The following SYNJ1 variants were observed in gnomAD, a reference collection of about 807,000 sequenced individuals.
The protein encoded by SYNJ1 is polyphosphatidylinositol phosphatase SYNJ1.
SYNJ1 carries 78 observed loss-of-function variants against 168.2 expected under a neutral mutation model. That is an observed-to-expected ratio of 0.46 (90% CI 0.39 to 0.56). The LOEUF (loss-of-function observed/expected upper bound fraction) is 0.56, where lower values mean the gene tolerates loss of function less well. SYNJ1 is among the 20% of genes least tolerant of loss of function. SYNJ1 has a pLI of 0.00. For missense variants in SYNJ1, 1,303 were observed against 1,597.6 expected (o/e 0.82, Z 3.14); for synonymous variants, 539 against 548.6 (o/e 0.98, Z 0.24).
chr21:32,691,018 A>C (rs1338669680), intron 6 of SYNJ1, among the ~76,000 whole-genome samples: 1 of 152,160 alleles, frequency 6.6e-6, no homozygotes, highest in Non-Finnish European at 1.5e-5. Context: ...CTTTACCTTC[A>C]CATATTTCTG....
At chr21:32,648,109 G>A (rs1372020105) in intron 23 of SYNJ1, among the ~76,000 whole-genome samples, 1 of 152,140 alleles carries the variant, frequency 6.6e-6, no homozygotes. Flanking sequence ...GCCCCACCCA[G>A]CCTAATTTTC....
chr21:32,678,370 C>T (rs1016750716), intron 12 of SYNJ1, among the ~76,000 whole-genome samples: 1 of 152,080 alleles, frequency 6.6e-6, no homozygotes, highest in African/African-American at 2.4e-5. Flanking sequence ...CTGCCTTGTA[C>T]AAAGTTAACA....
At chr21:32,664,315 G>A (rs1039571802) in intron 18 of SYNJ1, among the ~76,000 whole-genome samples, 1 of 152,182 alleles carries the variant, frequency 6.6e-6, no homozygotes, top group African/African-American at 2.4e-5. Flanking sequence ...TAAGGGAGGA[G>A]ACCACCCCTC....
chr21:32,719,408 T>C (rs2043136296), intron 2 of SYNJ1, among the ~76,000 whole-genome samples: 1 of 152,208 alleles, frequency 6.6e-6, no homozygotes, highest in South Asian at 2.1e-4. Context: ...GTGTACTCTG[T>C]TCCAAGGTTT....
chr21:32,650,359 A>G lies in SYNJ1; in HGVS notation c.2875-13T>C, dbSNP rs1555891997. On this transcript the variant is annotated splice_polypyrimidine_tract_variant and intron_variant, in intron 22 of 32. Coordinates refer to ENST00000674351, the MANE Select transcript of SYNJ1 (RefSeq NM_203446.3). ...TCCGATTCAATAACTAGCGGAGTAA[A>G]AGAGATATAAAATAAAGATTAACAT... 1 of 1,582,922 alleles carries G rather than the reference A, an allele frequency of 6.3e-7. No individual in the cohort carries two copies. The highest frequency in any genetic ancestry group is 1.2e-5 in the South Asian group (1 of 85,156).
Position 32,692,763 on chromosome 21 carries a change from T to C in SYNJ1, c.789+1465A>G, listed in dbSNP as rs139075128. On this transcript the variant is annotated intron_variant, in intron 6 of 32. Transcript: ENST00000674351. ...CACTGTAATTCAGAACTTATTAAAA[T>C]AACACAGGCCAAGTACAGTGGCTCA... is the stretch of plus-strand genomic sequence containing the variant. Among the ~76,000 whole-genome samples, 5 of 151,986 alleles carry C rather than the reference T, an allele frequency of 3.3e-5. No homozygotes were observed. The East Asian group carries it at 9.8e-4, about 30-fold the overall frequency.
intron 23 of SYNJ1, among the ~76,000 whole-genome samples, chr21:32,648,671 T>A (rs546597503): frequency 6.6e-6 from 1 of 152,232 alleles, no homozygotes; most frequent in Non-Finnish European, 1.5e-5. Flanking sequence ...TCTGTATTTC[T>A]CCATATTCGA....
chr21:32,695,431 G>A, intron 4 of SYNJ1, 149 bp from the exon 5 acceptor site: 1 of 758,396 alleles, frequency 1.3e-6, no homozygotes, highest in South Asian at 2.0e-5. Context: ...CTATGCTAGG[G>A]ATCAGAAGAT....
intron 32 of SYNJ1, among the ~76,000 whole-genome samples, chr21:32,633,204 C>G (rs898469720): frequency 2.0e-5 from 3 of 152,066 alleles, no homozygotes; most frequent in African/African-American, 7.2e-5. Flanking sequence ...AATGATGTGC[C>G]TAGAGTGGTG....
chr21:32,673,151 A>G (rs936948497), intron 14 of SYNJ1, among the ~76,000 whole-genome samples, 189 bp downstream of exon 14: 1 of 152,210 alleles, frequency 6.6e-6, no homozygotes, highest in Non-Finnish European at 1.5e-5. Flanking sequence ...GTAGAAAATA[A>G]TGGTCTAGAA....
chr21:32,681,730 C>T, intron 10 of SYNJ1, 82 bp from the exon 11 acceptor site: 1 of 1,357,220 alleles, frequency 7.4e-7, no homozygotes, highest in Non-Finnish European at 9.9e-7. Flanking sequence ...CAGAATCAAA[C>T]CAAAAATTTA....
chr21:32,708,148 A>G (rs2042683081), intron 2 of SYNJ1, among the ~76,000 whole-genome samples: 1 of 151,056 alleles, frequency 6.6e-6, no homozygotes, highest in African/African-American at 2.4e-5. Flanking sequence ...GGGAGTAGTA[A>G]GGTGGGGGTG....
At chr21:32,666,310 C>G (rs2040930158) in intron 16 of SYNJ1, 123 bp downstream of exon 16, 3 of 1,481,672 alleles carry the variant, frequency 2.0e-6, no homozygotes, top group South Asian at 2.8e-5. Flanking sequence ...CCCCAAAACC[C>G]CATTTTAAAA....
At chr21:32,666,172 T>C in intron 16 of SYNJ1, 37 bp from the exon 17 acceptor site, 1 of 1,568,556 alleles carries the variant, frequency 6.4e-7, no homozygotes, top group South Asian at 1.2e-5. Context: ...AGATTTGAAA[T>C]TTCAAGAGTT....
rs750343320 is a variant in SYNJ1 at position 32,630,951 on chromosome 21, T to G, written c.*854A>C. 3 of 1,559,468 alleles carry G rather than the reference T, an allele frequency of 1.9e-6. No individual in the cohort carries two copies. Among genetic ancestry groups the G allele is most frequent in the African/African-American group, 1.4e-5 (1 of 73,364 alleles). On this transcript the variant is annotated 3_prime_UTR_variant, in exon 33 of 33. Transcript: ENST00000674351. ...TACTAATGCCCAATTCTCTTAGCTC[T>G]ATCCTGCCAAAAGCAAGTACCCACT...
intron 2 of SYNJ1, among the ~76,000 whole-genome samples, chr21:32,708,310 A>G (rs1454822536): frequency 6.6e-6 from 1 of 152,250 alleles, no homozygotes; most frequent in African/African-American, 2.4e-5. Context: ...GAGGAAGTTC[A>G]GGTCACTTTC....
Position 32,700,004 on chromosome 21 carries a change from A to G in SYNJ1, c.313T>C (p.Ser105Pro), listed in dbSNP as rs1458389261. 20 of 1,614,220 alleles carry G rather than the reference A, an allele frequency of 1.2e-5. No homozygotes were observed. Among genetic ancestry groups the G allele is most frequent in the Non-Finnish European group, 1.7e-5 (20 of 1,180,044 alleles). The change falls in exon 4 of 33, where the codon TCA (serine) becomes CCA (proline). Residue 105 changes from serine (S) to proline (P), a missense_variant. Transcript: ENST00000674351. ...VFRVTSTEFI[S>P]LRIDSSDEDR... is the part of the protein sequence containing the mutation. Reference sequence around the variant, plus strand: ...TCATCTGAAGAATCGATTCGCAGTGATATAAACTCAGTGGAAGTAACTCGG... The same window carrying G: ...TCATCTGAAGAATCGATTCGCAGTGGTATAAACTCAGTGGAAGTAACTCGG...
chr21:32,726,690 C>T (rs1171936034), intron 2 of SYNJ1, 82 bp downstream of exon 2: 1 of 1,546,980 alleles, frequency 6.5e-7, no homozygotes, highest in Non-Finnish European at 8.8e-7. Context: ...TTGTCGGGCT[C>T]TTTTCTAAAA....
In SYNJ1 at chr21:32,642,150, G is replaced by GA. The variant is rs555916409; in HGVS notation, c.3479-18dup. 98 of 1,606,098 alleles carry GA rather than the reference G, an allele frequency of 6.1e-5. 1 individual carries two copies. In the Middle Eastern group the frequency reaches 6.9e-4, roughly 11 times the overall value. ...TTTTGGGTGCTTTGAAGCAAGAAGG[G>GA]AAAAAAAAATTAGTTGTAAGTTAAC... On this transcript the variant is annotated splice_polypyrimidine_tract_variant and intron_variant, in intron 27 of 32. Transcript: ENST00000674351.
Sources: allele counts gnomAD v4.1 joint callset (sites outside exome capture counted in the v4.1 genomes callset), GRCh38; gene constraint gnomAD v4.1.1; transcripts MANE v1.5; gene names NCBI Gene and HGNC (gene_info 2026-07-23, HGNC 2026-07-21).